Variants in SEPTIN9 observed in about 807,000 individuals in gnomAD.
SEPTIN9 encodes the protein septin 9, also known as septin-9.
A neutral mutation model predicts 56.6 loss-of-function variants in SEPTIN9; 13 were observed. The ratio of observed to expected loss-of-function variants is 0.23; its 90% CI spans 0.15 to 0.37. The LOEUF is 0.37. Ranked by LOEUF, SEPTIN9 falls within the 10% of genes least tolerant of loss-of-function variation. The pLI is 1.00. For synonymous variants in SEPTIN9, 332 were observed against 334.1 expected (o/e 0.99, Z 0.07); for missense variants, 650 against 823.1 (o/e 0.79, Z 2.57).
At chr17:77,496,537 C>T (rs767260115) in intron 10 of SEPTIN9, among the ~76,000 whole-genome samples, 3 of 152,130 alleles carry the variant, frequency 2.0e-5, no homozygotes, top group African/African-American at 7.2e-5. Flanking sequence ...CCAGGCACCG[C>T]GTGTTCATAT....
At chr17:77,383,475 T>A (rs2035221026) in intron 2 of SEPTIN9, among the ~76,000 whole-genome samples, 1 of 151,614 alleles carries the variant, frequency 6.6e-6, no homozygotes, top group South Asian at 2.1e-4. Context: ...CATCCATCAC[T>A]CCCCCACTGT....
At chr17:77,419,905 C>T (rs1302122900) in intron 3 of SEPTIN9, 1 of 152,332 alleles carries the variant, frequency 6.6e-6, no homozygotes, top group East Asian at 1.9e-4. Flanking sequence ...CTGGGTGTCG[C>T]TGCAAAACCA....
chr17:77,383,190 C>CTCCT (rs138566868), intron 2 of SEPTIN9, among the ~76,000 whole-genome samples: 5 of 147,986 alleles, frequency 3.4e-5, no homozygotes, highest in Non-Finnish European at 7.4e-5. Flanking sequence ...CCTTCTCTCC[C>CTCCT]TCCCTCCCTC....
rs1404551962 is a variant in SEPTIN9, at chr17:77,307,121, C to T, written c.20-20C>T. 6.2e-7 allele frequency: 1 copy of T among 1,613,314 alleles called. No individual in the cohort carries two copies. Among genetic ancestry groups the T allele is most frequent in the South Asian group, 1.1e-5 (1 of 91,076 alleles). On this transcript the variant is annotated intron_variant, in intron 1 of 11. Coordinates refer to ENST00000427177, the MANE Select transcript of SEPTIN9 (RefSeq NM_001113491.2). ...CGCCAGTGGCCTTGTGTGACCTTTG[C>T]CCTTTGTCTCTGTCTTTAGGAGGCA...
At chr17:77,337,857 C>T (rs1009637025) in intron 2 of SEPTIN9, among the ~76,000 whole-genome samples, 47 of 152,222 alleles carry the variant, frequency 3.1e-4, no homozygotes, top group African/African-American at 1.1e-3. Context: ...GCAAATATTG[C>T]AATAAAGCAC....
chr17:77,435,380 C>T lies in SEPTIN9; in HGVS notation c.721+32677C>T, dbSNP rs1477330956. 2.0e-5 allele frequency among the ~76,000 whole-genome samples: 3 copies of T among 152,172 alleles called. No individual in the cohort carries two copies. Among genetic ancestry groups the T allele is most frequent in the Non-Finnish European group, 4.4e-5 (3 of 68,026 alleles). ...CTCCCATGCCCTGATTCTGTGGCTT[C>T]TTGAGGTGGCTCACCCCTAAACACG... On this transcript the variant is annotated intron_variant, in intron 3 of 11. Coordinates refer to ENST00000427177, the MANE Select transcript of SEPTIN9 (RefSeq NM_001113491.2). The surrounding 1 kb of genome is among the most constrained non-coding windows in gnomAD (Gnocchi z 4.5).
intron 3 of SEPTIN9, among the ~76,000 whole-genome samples, chr17:77,467,025 A>C (rs768905698): frequency 1.7e-4 from 26 of 152,122 alleles, no homozygotes; most frequent in Non-Finnish European, 2.5e-4. Context: ...TCAGTTACTA[A>C]ATCCAGTTTG....
At position 77,466,345 on chromosome 17, in the gene SEPTIN9, C is replaced by T. The variant is rs917830678; in HGVS notation, c.722-15799C>T. Reference sequence around the variant, plus strand: ...GTCAGGCCCGGGCCAGGCCCCTTCCCCCTCCCAGCCTTGGGAGAAATTACC... The same window carrying T: ...GTCAGGCCCGGGCCAGGCCCCTTCCTCCTCCCAGCCTTGGGAGAAATTACC... On this transcript the variant is annotated intron_variant, in intron 3 of 11. Transcript: ENST00000427177. 3.1e-6 allele frequency: 3 copies of T among 968,102 alleles called. No homozygotes were observed. In the Admixed American group the frequency reaches 1.8e-4, roughly 60 times the overall value. 60.0% of individuals were successfully genotyped at this position (968,102 alleles called of 1,614,324 possible). A position where few individuals can be genotyped will look rare whatever the true frequency, so the allele number is the denominator to read the frequency against.
intron 3 of SEPTIN9, among the ~76,000 whole-genome samples, chr17:77,422,363 G>A (rs2036735861): frequency 6.6e-6 from 1 of 152,260 alleles, no homozygotes; most frequent in Admixed American, 6.5e-5. Context: ...GGGGCGGCCA[G>A]GACAGTAGCA....
intron 2 of SEPTIN9, among the ~76,000 whole-genome samples, chr17:77,385,498 C>T (rs895132090): frequency 3.9e-5 from 6 of 152,024 alleles, no homozygotes; most frequent in African/African-American, 1.2e-4. Context: ...GGATTACAGG[C>T]GTGAGCCACT....
intron 2 of SEPTIN9, among the ~76,000 whole-genome samples, chr17:77,390,200 C>T (rs924929574): frequency 8.6e-5 from 13 of 151,632 alleles, no homozygotes; most frequent in African/African-American, 1.9e-4. Context: ...GAAGCTGCTA[C>T]GTGGCTGTCC....
chr17:77,366,214 T>A (rs2034566917), intron 2 of SEPTIN9, among the ~76,000 whole-genome samples: 1 of 151,992 alleles, frequency 6.6e-6, no homozygotes, highest in African/African-American at 2.4e-5. Flanking sequence ...GGTCAGAGGG[T>A]TTTTTTCCAT....
chr17:77,497,376 A>G lies in SEPTIN9; in HGVS notation c.1625+10A>G, dbSNP rs1359117666. The G allele has an allele frequency of 6.2e-7, 1 of 1,613,326 alleles. No homozygotes were observed. The highest frequency in any genetic ancestry group is 8.5e-7 in the Non-Finnish European group (1 of 1,179,528). Reference sequence around the variant, plus strand: ...GGGACCTTCTCATCAGGTGAGAGACAGGGTGCTTGGGTGGGGCTGACGGCT... The same window carrying G: ...GGGACCTTCTCATCAGGTGAGAGACGGGGTGCTTGGGTGGGGCTGACGGCT... On this transcript the variant is annotated intron_variant, in intron 11 of 11. Coordinates refer to ENST00000427177, the MANE Select transcript of SEPTIN9 (RefSeq NM_001113491.2).
chr17:77,364,834 G>A (rs994130732), intron 2 of SEPTIN9, among the ~76,000 whole-genome samples: 1 of 152,258 alleles, frequency 6.6e-6, no homozygotes, highest in Non-Finnish European at 1.5e-5. Flanking sequence ...AGCTGTGCCT[G>A]GAGGCTCCCC....
chr17:77,430,338 C>T (rs989955623), intron 3 of SEPTIN9, among the ~76,000 whole-genome samples: 2 of 152,190 alleles, frequency 1.3e-5, no homozygotes, highest in African/African-American at 2.4e-5. Flanking sequence ...TCCTGTCACA[C>T]CCCCAGCGGC....
chr17:77,309,157 C>T lies in SEPTIN9; in HGVS notation c.76+1960C>T, dbSNP rs538834168. ...GGTCCCCCAGTTCTTGTGGGGGTTG[C>T]ATCTTGGGAACCTGGCACCCTGGGC... is the stretch of plus-strand genomic sequence containing the variant. On this transcript the variant is annotated intron_variant, in intron 2 of 11. Coordinates refer to ENST00000427177, the MANE Select transcript of SEPTIN9 (RefSeq NM_001113491.2). 2.6e-5 allele frequency among the ~76,000 whole-genome samples: 4 copies of T among 152,236 alleles called. No homozygotes were observed. The South Asian group carries it at 6.2e-4, about 24-fold the overall frequency.
chr17:77,491,165 C>T (rs1206961175), intron 8 of SEPTIN9, among the ~76,000 whole-genome samples: 1 of 152,070 alleles, frequency 6.6e-6, no homozygotes, highest in Non-Finnish European at 1.5e-5. Flanking sequence ...ATCTCTCTTC[C>T]AGGGAGTGAG....
intron 2 of SEPTIN9, among the ~76,000 whole-genome samples, chr17:77,349,559 C>G (rs1315098093): frequency 6.6e-6 from 1 of 152,128 alleles, no homozygotes; most frequent in Non-Finnish European, 1.5e-5. Flanking sequence ...CTAGCTATTC[C>G]CCTGTAGACC....
At chr17:77,373,743 G>A in intron 2 of SEPTIN9, 1 of 1,212,592 alleles carries the variant, frequency 8.2e-7, no homozygotes, top group Non-Finnish European at 1.1e-6. Context: ...CCTACGTGGG[G>A]GACCCTGTTA....
Sources: allele counts gnomAD v4.1 joint callset (sites outside exome capture counted in the v4.1 genomes callset), GRCh38; gene constraint gnomAD v4.1.1; non-coding constraint Gnocchi (gnomAD v3.1); transcripts MANE v1.5; gene names NCBI Gene and HGNC (gene_info 2026-07-23, HGNC 2026-07-21).